The following RGL1 variants were observed in gnomAD, a reference collection of about 807,000 sequenced individuals.
RGL1 encodes the protein ral guanine nucleotide dissociation stimulator-like 1.
RGL1 carries 24 observed loss-of-function variants against 95.2 expected under a neutral mutation model. The observed-to-expected ratio is 0.25, with a 90% CI of 0.18 to 0.35. RGL1 has a LOEUF of 0.35. RGL1 is among the 10% of genes least tolerant of loss of function. RGL1 has a pLI of 1.00. For missense variants in RGL1, 715 were observed against 936.3 expected, an observed-to-expected ratio of 0.76 and a Z score of 3.08; for synonymous variants, 329 against 344.9, an observed-to-expected ratio of 0.95 and a Z score of 0.51.
At chr1:183,711,454 A>G (rs1428228069) in intron 1 of RGL1, among the ~76,000 whole-genome samples, 1 of 152,162 alleles carries the variant, frequency 6.6e-6, no homozygotes, top group Non-Finnish European at 1.5e-5. Flanking sequence ...CTTAATGAGT[A>G]TGTAGGAGGT....
intron 3 of RGL1, among the ~76,000 whole-genome samples, chr1:183,852,176 C>G (rs1311142199): frequency 6.6e-6 from 1 of 151,984 alleles, no homozygotes; most frequent in Non-Finnish European, 1.5e-5. Context: ...TTTGATTTCC[C>G]TTAAGACTTC....
intron 1 of RGL1, among the ~76,000 whole-genome samples, chr1:183,656,696 C>T (rs1022698169): frequency 8.5e-5 from 13 of 152,190 alleles, no homozygotes; most frequent in Non-Finnish European, 1.5e-5. Flanking sequence ...TCGTTCCTTG[C>T]TCAGTTAAAC....
chr1:183,815,156 C>G (rs989408650), intron 2 of RGL1, among the ~76,000 whole-genome samples: 1 of 152,096 alleles, frequency 6.6e-6, no homozygotes, highest in African/African-American at 2.4e-5. Flanking sequence ...TGCCTGTAAT[C>G]CCAGCTGCTG....
intron 2 of RGL1, among the ~76,000 whole-genome samples, chr1:183,837,556 C>T (rs140211689): frequency 9.9e-5 from 15 of 150,776 alleles, no homozygotes; most frequent in African/African-American, 2.9e-4. Context: ...CCTCTCCCTC[C>T]GTGCAACTCT....
At chr1:183,922,399 G>A in intron 17 of RGL1, 63 bp downstream of exon 17, 2 of 1,198,688 alleles carry the variant, frequency 1.7e-6, no homozygotes, top group Non-Finnish European at 2.5e-6. Flanking sequence ...CATGTCCACA[G>A]TGCTCCGCGT....
intron 2 of RGL1, among the ~76,000 whole-genome samples, chr1:183,750,911 G>C (rs938914410): frequency 2.0e-5 from 3 of 152,232 alleles, no homozygotes; most frequent in African/African-American, 7.2e-5. Flanking sequence ...AGCAAAAGTT[G>C]CTGCCTGCTC....
chr1:183,761,993 G>A (rs1267372360), intron 2 of RGL1, among the ~76,000 whole-genome samples: 1 of 152,196 alleles, frequency 6.6e-6, no homozygotes, highest in African/African-American at 2.4e-5. Context: ...ACTGAAGAAA[G>A]TTAGGGCTTT....
At chr1:183,914,890 C>A (rs533976610) in intron 15 of RGL1, among the ~76,000 whole-genome samples, 2 of 152,242 alleles carry the variant, frequency 1.3e-5, no homozygotes, top group South Asian at 4.1e-4. Flanking sequence ...GGAAAATGCA[C>A]CCCCTTAACT....
At chr1:183,742,035 A>T in intron 1 of RGL1, 1 of 963,024 alleles carries the variant, frequency 1.0e-6, no homozygotes, top group Non-Finnish European at 1.6e-6. Flanking sequence ...TGGTCTCACT[A>T]GTCAGAAGTC....
chr1:183,853,163 C>G (rs1174051061), intron 3 of RGL1, among the ~76,000 whole-genome samples: 1 of 152,046 alleles, frequency 6.6e-6, no homozygotes, highest in Middle Eastern at 3.2e-3. Flanking sequence ...AGGCAAAACC[C>G]CATCTCTACT....
intron 15 of RGL1, among the ~76,000 whole-genome samples, chr1:183,914,911 C>G (rs1265098894): frequency 6.6e-6 from 1 of 152,088 alleles, no homozygotes; most frequent in East Asian, 1.9e-4. Context: ...AATATATCTG[C>G]AAAGAAACTT....
intron 2 of RGL1, among the ~76,000 whole-genome samples, chr1:183,845,795 C>T (rs1664382663): frequency 1.3e-5 from 2 of 152,312 alleles, no homozygotes; most frequent in South Asian, 4.1e-4. Flanking sequence ...GTTTTTCAAG[C>T]TATCAACATG....
chr1:183,916,713 G>A lies in RGL1; in HGVS notation c.2004+12G>A. 1 of 1,606,712 alleles carries A rather than the reference G, an allele frequency of 6.2e-7. No individual in the cohort carries two copies. Among genetic ancestry groups the A allele is most frequent in the Non-Finnish European group, 8.5e-7 (1 of 1,176,880 alleles). Reference sequence around the variant, plus strand: ...ACAAGAGCATCATGGTGAGGAGCAAGCCCTGACCCAGGAGCGGGTTTCCAT... The same window carrying A: ...ACAAGAGCATCATGGTGAGGAGCAAACCCTGACCCAGGAGCGGGTTTCCAT... On this transcript the variant is annotated intron_variant, in intron 16 of 17. Transcript: ENST00000360851.
intron 11 of RGL1, among the ~76,000 whole-genome samples, chr1:183,900,759 G>T (rs1426611946): frequency 6.6e-6 from 1 of 151,956 alleles, no homozygotes; most frequent in Non-Finnish European, 1.5e-5. Flanking sequence ...GCCCACCTTG[G>T]CCTTCCAAAG....
intron 10 of RGL1, among the ~76,000 whole-genome samples, chr1:183,899,418 A>G (rs995571316): frequency 2.6e-5 from 4 of 152,182 alleles, no homozygotes; most frequent in African/African-American, 9.7e-5. Context: ...TAAGGGGTCT[A>G]TCCAGGTATT....
chr1:183,689,979 A>G (rs1303078714), intron 1 of RGL1, among the ~76,000 whole-genome samples: 1 of 152,238 alleles, frequency 6.6e-6, no homozygotes, highest in Non-Finnish European at 1.5e-5. Context: ...ATTGAAGGCT[A>G]AGTTGTAAGA....
At chr1:183,699,461 T>G (rs1654453636) in intron 1 of RGL1, among the ~76,000 whole-genome samples, 1 of 152,216 alleles carries the variant, frequency 6.6e-6, no homozygotes, top group South Asian at 2.1e-4. Flanking sequence ...ATAATCAGTC[T>G]ATTTAGAGTG....
chr1:183,805,309 T>A lies in RGL1; in HGVS notation c.12T>A (p.Leu4=). Residue 4 remains leucine (L), a synonymous_variant, in exon 1 of 18, where the codon CTT becomes CTA. Coordinates refer to ENST00000360851, the MANE Select transcript of RGL1 (RefSeq NM_001297671.3). The part of the protein sequence containing the change: MKL[L]WQAKMSSIQD... ...AGAGAAAACTGAGAATGAAATTGCT[T>A]TGGCAAGCTAAAATGGTAACGAGAG... 2 of 1,611,950 alleles carry A rather than the reference T, an allele frequency of 1.2e-6. No individual in the cohort carries two copies.
chr1:183,763,982 C>A (rs895048678), intron 2 of RGL1, among the ~76,000 whole-genome samples: 1 of 152,178 alleles, frequency 6.6e-6, no homozygotes, highest in African/African-American at 2.4e-5. Flanking sequence ...CTGGGTGACA[C>A]AGTTGTTTGG....
Sources: allele counts gnomAD v4.1 joint callset (sites outside exome capture counted in the v4.1 genomes callset), GRCh38; gene constraint gnomAD v4.1.1; transcripts MANE v1.5; gene names NCBI Gene and HGNC (gene_info 2026-07-23, HGNC 2026-07-21).